MAFB: variants seen among roughly 807,000 people sequenced by gnomAD.
MAFB encodes MAF bZIP transcription factor B, also known as transcription factor MafB.
MAFB carries 3 observed loss-of-function variants against 17.7 expected under a neutral mutation model. The observed-to-expected ratio is 0.17, with a 90% confidence interval of 0.08 to 0.44. The LOEUF is 0.44. MAFB is among the 20% of genes least tolerant of loss of function. MAFB has a pLI of 0.99. For missense variants in MAFB, 355 were observed against 461.3 expected (o/e 0.77, Z 2.11); for synonymous variants, 214 against 211.5 (o/e 1.01, Z -0.10).
rs1986843314 is a variant in MAFB, at chr20:40,686,954, T to TC, written c.*924_*925insG. 1 of 398,620 alleles carries TC rather than the reference T, an allele frequency of 2.5e-6. No homozygotes were observed. The highest frequency in any genetic ancestry group is 4.4e-6 in the Non-Finnish European group (1 of 226,036). The allele number at this position is 398,620 out of a possible 1,614,324, so 24.7% of individuals were successfully genotyped here. On this transcript the variant is annotated 3_prime_UTR_variant, in exon 1 of 1. Transcript: ENST00000373313. ...CAAAATGCCCGGAACTTTTTCTTTTTTTTTTTCTTTTTAACTTACAAACAA... is the reference window on the plus strand; with the variant it reads ...CAAAATGCCCGGAACTTTTTCTTTTTCTTTTTTCTTTTTAACTTACAAACAA...
chr20:40,688,440 G>A lies in MAFB; in HGVS notation c.411C>T (p.His137=), dbSNP rs1169156696. The A allele has an allele frequency of 3.8e-6, 6 of 1,597,326 alleles. No individual in the cohort carries two copies. In the East Asian group the frequency reaches 1.3e-4, roughly 36 times the overall value. Residue 137 remains histidine, a synonymous_variant, in exon 1 of 1, where the codon CAC becomes CAT. Transcript: ENST00000373313. ...FRGAHHHHHH[H]HPHPHHAYPG... ...GGTACGCGTGGTGCGGGTGAGGGTG[G>A]TGGTGATGGTGGTGGTGGTGAGCGC...
chr20:40,688,834 C>T lies in MAFB; in HGVS notation c.17G>A (p.Ser6Asn), dbSNP rs778428156. The change falls in exon 1 of 1, where the codon AGC (serine) becomes AAC (asparagine). Residue 6 changes from serine (S) to asparagine (N), a missense_variant. Ser to Asn is a conservative substitution (Grantham distance 46). Around this residue, in one of 3 missense-constraint regions of MAFB, gnomAD observed 285 missense variants for 350.0 expected, o/e 0.81. Transcript: ENST00000373313. MAAEL[S>N]MGPELPTSPL... The stretch of plus-strand genomic sequence containing the variant: ...GCTGGTGGGCAGCTCTGGCCCCATG[C>T]TCAGCTCCGCGGCCATCGCTGAAGC... 1.1e-5 allele frequency: 18 copies of T among 1,611,052 alleles called. 1 individual carries two copies. The South Asian group carries it at 1.8e-4, about 16-fold the overall frequency.
chr20:40,686,963 T>C lies in MAFB; in HGVS notation c.*916A>G. ...CGGAACTTTTTCTTTTTTTTTTTCT[T>C]TTTAACTTACAAACAAAAATACCGT... is the stretch of plus-strand genomic sequence containing the variant. On this transcript the variant is annotated 3_prime_UTR_variant, in exon 1 of 1. Transcript: ENST00000373313. 1 of 398,972 alleles carries C rather than the reference T, an allele frequency of 2.5e-6. No homozygotes were observed. Among genetic ancestry groups the C allele is most frequent in the Non-Finnish European group, 4.4e-6 (1 of 226,050 alleles). The allele number at this position is 398,972 out of a possible 1,614,324, so 24.7% of individuals were successfully genotyped here. A position where few individuals can be genotyped will look rare whatever the true frequency, so the allele number is the denominator to read the frequency against.
Position 40,687,803 on chromosome 20 carries a change from G to C in MAFB, c.*76C>G. On this transcript the variant is annotated 3_prime_UTR_variant, in exon 1 of 1. Coordinates refer to ENST00000373313, the MANE Select transcript of MAFB (RefSeq NM_005461.5). ...TGGGGCCGCGGCAGGGACAGGGTCCGGGGTAGTCTGGGACTAGGGACGTGG... is the reference window on the plus strand; with the variant it reads ...TGGGGCCGCGGCAGGGACAGGGTCCCGGGTAGTCTGGGACTAGGGACGTGG... 2.7e-6 allele frequency: 4 copies of C among 1,506,544 alleles called. No homozygotes were observed. Among genetic ancestry groups the C allele is most frequent in the Non-Finnish European group, 2.7e-6 (3 of 1,118,252 alleles). 93.3% of individuals were successfully genotyped at this position (1,506,544 alleles called of 1,614,324 possible).
Position 40,687,959 on chromosome 20 carries a change from A to C in MAFB, c.892T>G (p.Cys298Gly). 1 of 1,613,970 alleles carries C rather than the reference A, an allele frequency of 6.2e-7. No individual in the cohort carries two copies. Among genetic ancestry groups the C allele is most frequent in the Non-Finnish European group, 8.5e-7 (1 of 1,180,026 alleles). Reference sequence around the variant, plus strand: ...AAGCCGGAGTTGGCGAGTTTCTCGCACTTGACCTTGTAGGCGTCTCTCTCG... The same window carrying C: ...AAGCCGGAGTTGGCGAGTTTCTCGCCCTTGACCTTGTAGGCGTCTCTCTCG... ...ARERDAYKVK[C>G]EKLANSGFRE... Residue 298 changes from cysteine to glycine, a missense_variant, in exon 1 of 1, where the codon TGC becomes GGC. This residue lies in a region of MAFB where 63 missense variants were observed against 69.4 expected (regional missense o/e 0.91). Coordinates refer to ENST00000373313, the MANE Select transcript of MAFB (RefSeq NM_005461.5).
At position 40,688,963 on chromosome 20, in the gene MAFB, C is replaced by A. The variant is rs946508372; in HGVS notation, c.-113G>T. On this transcript the variant is annotated 5_prime_UTR_variant, in exon 1 of 1. Transcript: ENST00000373313. Reference sequence around the variant, plus strand: ...GGAGAAGAGCTGGGGAGGCGGGGAGCGAGGGCGCAGCGGGCCGGGGCCGCC... The same window carrying A: ...GGAGAAGAGCTGGGGAGGCGGGGAGAGAGGGCGCAGCGGGCCGGGGCCGCC... 23 of 1,371,466 alleles carry A rather than the reference C, an allele frequency of 1.7e-5. No homozygotes were observed. The highest frequency in any genetic ancestry group is 4.6e-5 in the African/African-American group (3 of 65,572). The allele number at this position is 1,371,466 out of a possible 1,614,324, so 85.0% of individuals were successfully genotyped here. A position where few individuals can be genotyped will look rare whatever the true frequency, so the allele number is the denominator to read the frequency against.
rs780418531 is a variant in MAFB, at chr20:40,688,674, C to T, written c.177G>A (p.Pro59=). The change falls in exon 1 of 1, where the codon CCG becomes CCA. Residue 59 remains proline, a synonymous_variant. Transcript: ENST00000373313. The stretch of plus-strand genomic sequence containing the variant: ...GCACGGAGCTACACGGAGTGCTGAG[C>T]GGTGTGGAGGACACCGAGCCGGCTG... The part of the protein sequence containing the change: ...LQPAGSVSST[P]LSTPCSSVPS... The T allele has an allele frequency of 5.6e-6, 9 of 1,613,960 alleles. No homozygotes were observed. The highest frequency in any genetic ancestry group is 3.3e-5 in the South Asian group (3 of 91,078).
rs900827544 is a variant in MAFB, at chr20:40,688,914, G to A, written c.-64C>T. 3.3e-6 allele frequency: 5 copies of A among 1,519,286 alleles called. No homozygotes were observed. Among genetic ancestry groups the A allele is most frequent in the East Asian group, 2.3e-5 (1 of 42,894 alleles). 94.1% of individuals were successfully genotyped at this position (1,519,286 alleles called of 1,614,324 possible). ...ACTTTGCGGCCGGCCGGAGCGCGCCGAGCCAAGCGCGGGGGGGAAGAGCGG... is the reference window on the plus strand; with the variant it reads ...ACTTTGCGGCCGGCCGGAGCGCGCCAAGCCAAGCGCGGGGGGGAAGAGCGG... On this transcript the variant is annotated 5_prime_UTR_variant, in exon 1 of 1. Transcript: ENST00000373313.
chr20:40,687,818 T>A lies in MAFB; in HGVS notation c.*61A>T, dbSNP rs1986865945. The A allele has an allele frequency of 6.4e-7, 1 of 1,559,644 alleles. No individual in the cohort carries two copies. The highest frequency in any genetic ancestry group is 8.7e-7 in the Non-Finnish European group (1 of 1,154,704). On this transcript the variant is annotated 3_prime_UTR_variant, in exon 1 of 1. Coordinates refer to ENST00000373313, the MANE Select transcript of MAFB (RefSeq NM_005461.5). Reference sequence around the variant, plus strand: ...GACAGGGTCCGGGGTAGTCTGGGACTAGGGACGTGGGACAGGGAGTCCGGG... The same window carrying A: ...GACAGGGTCCGGGGTAGTCTGGGACAAGGGACGTGGGACAGGGAGTCCGGG...
Position 40,687,888 on chromosome 20 carries a change from G to A in MAFB, c.963C>T (p.Phe321=). ...STSDSPSSPE[F]FL ...CAGGACCGGCCACGACTCACAGAAA[G>A]AACTCGGGAGAGGAGGGGCTGTCGC... Residue 321 remains phenylalanine, a synonymous_variant, in exon 1 of 1, where the codon TTC becomes TTT. Transcript: ENST00000373313. 1 of 1,610,518 alleles carries A rather than the reference G, an allele frequency of 6.2e-7. No homozygotes were observed. The highest frequency in any genetic ancestry group is 8.5e-7 in the Non-Finnish European group (1 of 1,179,970).
At position 40,686,286 on chromosome 20, in the gene MAFB, GA is replaced by G. The variant is rs3215567; in HGVS notation, c.*1592del. 57,508 of 207,354 alleles carry G rather than the reference GA, an allele frequency of 0.28. 10,973 individuals are homozygous for G. Among genetic ancestry groups the G allele is most frequent in the African/African-American group, 0.6 (26,136 of 43,606 alleles). 12.8% of individuals were successfully genotyped at this position (207,354 alleles called of 1,614,324 possible). A position where few individuals can be genotyped will look rare whatever the true frequency, so the allele number is the denominator to read the frequency against. ...ACTTAAATCCTTTTACTGACCTGCA[GA>G]AAAAAAAAAGTAATAATAAAGAAAA... On this transcript the variant is annotated 3_prime_UTR_variant, in exon 1 of 1. Transcript: ENST00000373313.
rs762266890 is a variant in MAFB at position 40,686,593 on chromosome 20, G to A, written c.*1286C>T. The A allele has an allele frequency of 8.8e-5, 35 of 397,590 alleles. No individual in the cohort carries two copies. Among genetic ancestry groups the A allele is most frequent in the Admixed American group, 1.3e-4 (3 of 22,736 alleles). 24.6% of individuals were successfully genotyped at this position (397,590 alleles called of 1,614,324 possible). On this transcript the variant is annotated 3_prime_UTR_variant, in exon 1 of 1. Transcript: ENST00000373313. The stretch of plus-strand genomic sequence containing the variant: ...GAGCGCTGTGGCTCCTACAATTAGC[G>A]CAGGCCCAGAGGGTTCAGAAGGGAC...
rs1028194225 is a variant in MAFB at position 40,686,539 on chromosome 20, G to A, written c.*1340C>T. On this transcript the variant is annotated 3_prime_UTR_variant, in exon 1 of 1. Transcript: ENST00000373313. ...GTCTGCTTACCAGTGCACTGCCAGG[G>A]TCAGGGATGGCTAAGCCTCTCACCC... 2.5e-6 allele frequency: 1 copy of A among 396,870 alleles called. No homozygotes were observed. Among genetic ancestry groups the A allele is most frequent in the Admixed American group, 4.4e-5 (1 of 22,710 alleles). The allele number at this position is 396,870 out of a possible 1,614,324, so 24.6% of individuals were successfully genotyped here.
rs1986911665 is a variant in MAFB at position 40,688,952 on chromosome 20, G to A, written c.-102C>T. ...GGGGGAAGAGCGGAGAAGAGCTGGGGAGGCGGGGAGCGAGGGCGCAGCGGG... is the reference window on the plus strand; with the variant it reads ...GGGGGAAGAGCGGAGAAGAGCTGGGAAGGCGGGGAGCGAGGGCGCAGCGGG... On this transcript the variant is annotated 5_prime_UTR_variant, in exon 1 of 1. Coordinates refer to ENST00000373313, the MANE Select transcript of MAFB (RefSeq NM_005461.5). 1 of 1,409,676 alleles carries A rather than the reference G, an allele frequency of 7.1e-7. No homozygotes were observed. The highest frequency in any genetic ancestry group is 1.5e-5 in the African/African-American group (1 of 66,500). 87.3% of individuals were successfully genotyped at this position (1,409,676 alleles called of 1,614,324 possible).
rs752691658 is a variant in MAFB at position 40,688,489 on chromosome 20, A to G, written c.362T>C (p.Leu121Pro). ...GCCGCGAAAGCTGTCGAAGCTTTGC[A>G]GCGGCTGTGGCACTGGGTGCGAGCC... is the stretch of plus-strand genomic sequence containing the variant. ...LIGSHPVPQPLQSFDSFRGAH... is the reference protein window; with the variant it reads ...LIGSHPVPQPPQSFDSFRGAH... Residue 121 changes from leucine (L) to proline (P), a missense_variant, in exon 1 of 1, where the codon CTG (leucine) becomes CCG (proline). This residue lies in a region of MAFB where 285 missense variants were observed against 350.0 expected (regional missense o/e 0.81). Coordinates refer to ENST00000373313, the MANE Select transcript of MAFB (RefSeq NM_005461.5). The G allele has an allele frequency of 6.2e-6, 10 of 1,611,468 alleles. No individual in the cohort carries two copies. The highest frequency in any genetic ancestry group is 1.6e-4 in the Middle Eastern group (1 of 6,078).
In MAFB at chr20:40,686,338, T is replaced by C. The variant is rs1028208888; in HGVS notation, c.*1541A>G. On this transcript the variant is annotated 3_prime_UTR_variant, in exon 1 of 1. Coordinates refer to ENST00000373313, the MANE Select transcript of MAFB (RefSeq NM_005461.5). The stretch of plus-strand genomic sequence containing the variant: ...ACACCCATATCTTCCCTATAACTAC[T>C]ATACAACTGAAGAATTGAAGGGGGG... 2 of 247,520 alleles carry C rather than the reference T, an allele frequency of 8.1e-6. No homozygotes were observed. Among genetic ancestry groups the C allele is most frequent in the African/African-American group, 4.4e-5 (2 of 45,738 alleles). The allele number at this position is 247,520 out of a possible 1,614,324, so 15.3% of individuals were successfully genotyped here.
In MAFB at chr20:40,688,565, T is replaced by C. The variant is rs1402607458; in HGVS notation, c.286A>G (p.Asn96Asp). The change falls in exon 1 of 1, where the codon AAC becomes GAC. Residue 96 changes from asparagine (N) to aspartate (D), a missense_variant. Transcript: ENST00000373313. ...YWMASNYQQM[N>D]PEALNLTPED... ...GGCGTCAGGTTGAGCGCCTCGGGGT[T>C]CATCTGCTGGTAGTTGCTCGCCATC... The C allele has an allele frequency of 1.9e-6, 3 of 1,613,984 alleles. No individual in the cohort carries two copies. The highest frequency in any genetic ancestry group is 2.7e-5 in the African/African-American group (2 of 74,932).
In MAFB at chr20:40,689,064, G is replaced by A; in HGVS notation, c.-214C>T. On this transcript the variant is annotated 5_prime_UTR_variant, in exon 1 of 1. Coordinates refer to ENST00000373313, the MANE Select transcript of MAFB (RefSeq NM_005461.5). Reference sequence around the variant, plus strand: ...TGCCTGCACCGCCCCAGAGCTCTGGGCTGTGCCCGCGCAGGGACCGGGCCG... The same window carrying A: ...TGCCTGCACCGCCCCAGAGCTCTGGACTGTGCCCGCGCAGGGACCGGGCCG... 1.7e-6 allele frequency: 1 copy of A among 595,396 alleles called. No individual in the cohort carries two copies. The highest frequency in any genetic ancestry group is 2.6e-6 in the Non-Finnish European group (1 of 387,210). The allele number at this position is 595,396 out of a possible 1,614,324, so 36.9% of individuals were successfully genotyped here.
Position 40,686,673 on chromosome 20 carries a change from C to G in MAFB, c.*1206G>C. ...CAGAGGGGAGGATCTGTTTTCCTTT[C>G]CTTTCCTTTCTTATTAAGGGTATCA... On this transcript the variant is annotated 3_prime_UTR_variant, in exon 1 of 1. Coordinates refer to ENST00000373313, the MANE Select transcript of MAFB (RefSeq NM_005461.5). 2.5e-6 allele frequency: 1 copy of G among 398,598 alleles called. No individual in the cohort carries two copies. The highest frequency in any genetic ancestry group is 3.6e-5 in the East Asian group (1 of 28,074). 24.7% of individuals were successfully genotyped at this position (398,598 alleles called of 1,614,324 possible).
Sources: allele counts gnomAD v4.1 joint callset, GRCh38; gene constraint gnomAD v4.1.1; regional missense constraint gnomAD v4.1.1; transcripts MANE v1.5; gene names NCBI Gene and HGNC (gene_info 2026-07-23, HGNC 2026-07-21).